CPNE4: variants seen among roughly 807,000 people sequenced by gnomAD.
The protein encoded by CPNE4 is copine-4.
Under a neutral mutation model 67.9 loss-of-function variants are expected in CPNE4, and 25 were observed. That is an observed-to-expected ratio of 0.37 (90% CI 0.27 to 0.51). CPNE4 has a LOEUF of 0.51. CPNE4 is among the 20% of genes least tolerant of loss of function. The pLI is 0.93. For missense variants in CPNE4, 464 were observed against 690.8 expected (o/e 0.67, Z 3.68); for synonymous variants, 242 against 244.9 (o/e 0.99, Z 0.11).
At position 131,728,184 on chromosome 3, in the gene CPNE4, G is replaced by A. The variant is rs538280147; in HGVS notation, c.181-4559C>T. Among the ~76,000 whole-genome samples the A allele has an allele frequency of 2.6e-4, 39 of 152,224 alleles. No homozygotes were observed. In the South Asian group the frequency reaches 7.3e-3, roughly 28 times the overall value. ...AACTAATGATGCTGAGGCTCTTTTC[G>A]TATGCTTACTTGCCACCTGTGTATC... On this transcript the variant is annotated intron_variant, in intron 2 of 15. Coordinates refer to ENST00000429747, the MANE Select transcript of CPNE4 (RefSeq NM_130808.3).
intron 2 of CPNE4, among the ~76,000 whole-genome samples, chr3:131,785,046 T>C (rs1404892306): frequency 2.0e-5 from 3 of 152,112 alleles, no homozygotes; most frequent in Non-Finnish European, 4.4e-5. Flanking sequence ...TGTGTCTATA[T>C]GTGTAGAATG....
At chr3:131,754,470 G>A (rs73220469) in intron 2 of CPNE4, among the ~76,000 whole-genome samples, 3 of 151,904 alleles carry the variant, frequency 2.0e-5, no homozygotes, top group Non-Finnish European at 2.9e-5. Flanking sequence ...CCATGTATTC[G>A]AAAAACATTT....
chr3:131,967,736 G>C (rs1035567996), intron 1 of CPNE4, among the ~76,000 whole-genome samples: 1 of 152,164 alleles, frequency 6.6e-6, no homozygotes, highest in Non-Finnish European at 1.5e-5. Context: ...AATATTCCAT[G>C]CTCATAGACC....
chr3:131,927,587 C>T (rs977579176), intron 1 of CPNE4, among the ~76,000 whole-genome samples: 31 of 152,170 alleles, frequency 2.0e-4, no homozygotes, highest in African/African-American at 7.0e-4. Context: ...TTGCCAAGTT[C>T]AGTGCTTGGC....
intron 2 of CPNE4, among the ~76,000 whole-genome samples, chr3:131,855,268 T>C (rs2086395139): frequency 6.6e-6 from 1 of 151,954 alleles, no homozygotes; most frequent in South Asian, 2.1e-4. Flanking sequence ...GGGCATTGGC[T>C]AGCATATGTT....
intron 11 of CPNE4, among the ~76,000 whole-genome samples, chr3:131,562,560 G>A (rs1444360294): frequency 1.3e-5 from 2 of 152,048 alleles, no homozygotes; most frequent in African/African-American, 4.8e-5. Context: ...CCCCCTTCTT[G>A]TCTCTCAATA....
chr3:131,915,487 A>G (rs560947404), intron 1 of CPNE4, among the ~76,000 whole-genome samples: 1 of 152,332 alleles, frequency 6.6e-6, no homozygotes, highest in Admixed American at 6.5e-5. Flanking sequence ...GGAGTTATAG[A>G]TGGTGGAGCT....
chr3:131,617,903 A>C (rs1261155155), intron 7 of CPNE4, among the ~76,000 whole-genome samples: 1 of 152,224 alleles, frequency 6.6e-6, no homozygotes, highest in Non-Finnish European at 1.5e-5. Context: ...ACTCACCATC[A>C]GTCAAGTCAT....
chr3:131,560,410 G>C (rs1936699816), intron 11 of CPNE4, among the ~76,000 whole-genome samples: 1 of 151,946 alleles, frequency 6.6e-6, no homozygotes, highest in African/African-American at 2.4e-5. Context: ...AGAAAAAGGA[G>C]AACAAATCCA....
chr3:131,553,585 G>A (rs548127120), intron 12 of CPNE4, among the ~76,000 whole-genome samples: 2 of 152,010 alleles, frequency 1.3e-5, no homozygotes, highest in African/African-American at 2.4e-5. Context: ...GCAGAGTTAA[G>A]CACCAGTTGC....
At position 131,685,973 on chromosome 3, in the gene CPNE4, C is replaced by A. The variant is rs368020729; in HGVS notation, c.508-15G>T. On this transcript the variant is annotated splice_polypyrimidine_tract_variant and intron_variant, in intron 5 of 15. Transcript: ENST00000429747. ...CTGAAGAAATCCTAAAATAGATAAA[C>A]GTCAATGAATTGTTTTTCCTCCTGC... The A allele has an allele frequency of 1.4e-6, 2 of 1,436,724 alleles. No individual in the cohort carries two copies. Among genetic ancestry groups the A allele is most frequent in the Non-Finnish European group, 2.0e-6 (2 of 1,020,528 alleles). 89.0% of individuals were successfully genotyped at this position (1,436,724 alleles called of 1,614,324 possible).
intron 1 of CPNE4, among the ~76,000 whole-genome samples, chr3:131,929,521 C>T (rs1449998241): frequency 1.3e-5 from 2 of 152,264 alleles, no homozygotes; most frequent in Admixed American, 6.5e-5. Flanking sequence ...AGCAGTCTCA[C>T]GTCTGATTTC....
intron 2 of CPNE4, among the ~76,000 whole-genome samples, chr3:131,867,483 C>T (rs905604958): frequency 4.0e-5 from 6 of 151,628 alleles, no homozygotes; most frequent in African/African-American, 1.5e-4. Flanking sequence ...TTGAATGAGC[C>T]ACTGTGAATT....
At chr3:131,660,506 G>T (rs2080096461) in intron 7 of CPNE4, among the ~76,000 whole-genome samples, 2 of 152,154 alleles carry the variant, frequency 1.3e-5, no homozygotes, top group South Asian at 4.1e-4. Flanking sequence ...GGTTGGGAAA[G>T]AATTGCTTTG....
chr3:131,864,515 A>C (rs371724836), intron 2 of CPNE4, among the ~76,000 whole-genome samples: 2 of 151,430 alleles, frequency 1.3e-5, no homozygotes, highest in Admixed American at 6.6e-5. Context: ...TTTGTCTGTT[A>C]TTGGTGTATA....
At chr3:131,709,132 T>C (rs2081496631) in intron 3 of CPNE4, among the ~76,000 whole-genome samples, 1 of 151,766 alleles carries the variant, frequency 6.6e-6, no homozygotes, top group Non-Finnish European at 1.5e-5. Flanking sequence ...CTCTTAATGG[T>C]AGGCTTTTTA....
chr3:132,027,021 C>T (rs1312366278), intron 1 of CPNE4, among the ~76,000 whole-genome samples: 10 of 152,252 alleles, frequency 6.6e-5, no homozygotes, highest in African/African-American at 2.2e-4. Flanking sequence ...AACTGCATTG[C>T]AACCCTGTGA....
intron 1 of CPNE4, among the ~76,000 whole-genome samples, chr3:131,913,445 C>G (rs1046309716): frequency 6.6e-6 from 1 of 152,174 alleles, no homozygotes; most frequent in African/African-American, 2.4e-5. Flanking sequence ...CTCGTGCTCC[C>G]CTCCCAAGTG....
At chr3:131,709,456 C>T (rs2081506601) in intron 3 of CPNE4, among the ~76,000 whole-genome samples, 2 of 152,138 alleles carry the variant, frequency 1.3e-5, no homozygotes, top group Admixed American at 6.5e-5. Context: ...ATTTAAATGC[C>T]CTATCCCTGT....
Sources: gnomAD v4.1 joint callset for allele counts (sites outside exome capture counted in the v4.1 genomes callset) on GRCh38, gnomAD v4.1.1 for gene constraint, MANE v1.5 for transcripts, NCBI Gene and HGNC (gene_info 2026-07-23, HGNC 2026-07-21) for gene names.